CSRP1: variants seen among roughly 807,000 people sequenced by gnomAD.
CSRP1 encodes the protein cysteine and glycine-rich protein 1.
CSRP1 carries 16 observed loss-of-function variants against 25.4 expected under a neutral mutation model. That is an observed-to-expected ratio of 0.63 (90% CI 0.43 to 0.96). The LOEUF is 0.96. Ranked by LOEUF, CSRP1 falls within the 40% of genes least tolerant of loss-of-function variation. The pLI is 0.00. For synonymous variants in CSRP1, 97 were observed against 95.3 expected (o/e 1.02, Z -0.10); for missense variants, 212 against 243.6 (o/e 0.87, Z 0.86).
At chr1:201,485,184 C>T (rs1458849037) in intron 5 of CSRP1, 99 bp downstream of exon 5, 6 of 1,025,918 alleles carry the variant, frequency 5.8e-6, no homozygotes, top group Non-Finnish European at 9.2e-6. Context: ...TCTTGGATCC[C>T]AAGGCCAGGA....
Position 201,484,595 on chromosome 1 carries a change from A to C in CSRP1, c.*118T>G, listed in dbSNP as rs574026673. 5.9e-5 allele frequency: 59 copies of C among 992,354 alleles called. No individual in the cohort carries two copies. In the African/African-American group the frequency reaches 9.1e-4, roughly 15 times the overall value. 61.5% of individuals were successfully genotyped at this position (992,354 alleles called of 1,614,324 possible). Reference sequence around the variant, plus strand: ...GGAGCCAGATGCCCAAGTTCAAGTCATTAGTGATATGTGGCAGGGCTGACA... The same window carrying C: ...GGAGCCAGATGCCCAAGTTCAAGTCCTTAGTGATATGTGGCAGGGCTGACA... On this transcript the variant is annotated 3_prime_UTR_variant, in exon 6 of 6. Transcript: ENST00000340006.
intron 2 of CSRP1, 171 bp downstream of exon 2, chr1:201,496,021 C>G (rs2296693): frequency 1.7e-6 from 1 of 587,708 alleles, no homozygotes; most frequent in Admixed American, 3.0e-5. Flanking sequence ...AGCTTCTGAA[C>G]GGAACAAAGA....
chr1:201,502,829 C>T (rs1317262067), intron 1 of CSRP1, among the ~76,000 whole-genome samples: 1 of 152,104 alleles, frequency 6.6e-6, no homozygotes, highest in Non-Finnish European at 1.5e-5. Context: ...GAGCAGAGCT[C>T]CCTACTCTTG....
chr1:201,497,633 C>T (rs899045959), intron 1 of CSRP1, among the ~76,000 whole-genome samples: 2 of 152,160 alleles, frequency 1.3e-5, no homozygotes, highest in Non-Finnish European at 2.9e-5. Context: ...GCAGGTTTGG[C>T]TCAATCTTGA....
rs541233967 is a variant in CSRP1, at chr1:201,484,863, G to A, written c.506-74C>T. ...CCACACCACCCACCCTCCTGCTGAA[G>A]ATCCCCCACTCCTAGTGCCCAGCCA... On this transcript the variant is annotated intron_variant, in intron 5 of 5. Coordinates refer to ENST00000340006, the MANE Select transcript of CSRP1 (RefSeq NM_004078.3). 13 of 1,338,466 alleles carry A rather than the reference G, an allele frequency of 9.7e-6. No homozygotes were observed. In the African/African-American group the frequency reaches 1.7e-4, roughly 18 times the overall value. 82.9% of individuals were successfully genotyped at this position (1,338,466 alleles called of 1,614,324 possible).
At chr1:201,486,798 A>C in intron 4 of CSRP1, 1 of 1,058,956 alleles carries the variant, frequency 9.4e-7, no homozygotes, top group Non-Finnish European at 1.2e-6. Flanking sequence ...TTTCCACTTG[A>C]ATGCAAAATT....
chr1:201,492,792 C>CTGG (rs1664380184), intron 2 of CSRP1: 1 of 152,326 alleles, frequency 6.6e-6, no homozygotes, highest in South Asian at 2.1e-4. Context: ...ACCTCCAGAC[C>CTGG]TGGTGGTTTT....
At chr1:201,492,217 T>C (rs1480720410) in intron 2 of CSRP1, 2 of 152,176 alleles carry the variant, frequency 1.3e-5, no homozygotes, top group African/African-American at 4.8e-5. Flanking sequence ...AACAGAGGTG[T>C]ATTTTGGCTG....
At chr1:201,489,074 A>C in intron 3 of CSRP1, 90 bp from the exon 4 acceptor site, 134 of 1,536,580 alleles carry the variant, frequency 8.7e-5, no homozygotes, top group Non-Finnish European at 9.3e-5. Flanking sequence ...CCTTCATCTC[A>C]TGCCAGAGCA....
At chr1:201,490,109 C>A in intron 3 of CSRP1, 67 bp downstream of exon 3, 1 of 1,504,404 alleles carries the variant, frequency 6.6e-7, no homozygotes, top group South Asian at 1.3e-5. Context: ...TGTAAATACA[C>A]ATGAGGCCTA....
chr1:201,491,913 C>CA (rs1664351751), intron 2 of CSRP1: 1 of 152,264 alleles, frequency 6.6e-6, no homozygotes, highest in Non-Finnish European at 1.5e-5. Context: ...GCTCCTCTCT[C>CA]ACCCTAAGCC....
Position 201,494,330 on chromosome 1 carries a change from C to G in CSRP1, c.112+1862G>C, listed in dbSNP as rs375691325. 2.1e-4 allele frequency among the ~76,000 whole-genome samples: 32 copies of G among 152,258 alleles called. No homozygotes were observed. The East Asian group carries it at 3.9e-3, about 18-fold the overall frequency. On this transcript the variant is annotated intron_variant, in intron 2 of 5. Coordinates refer to ENST00000340006, the MANE Select transcript of CSRP1 (RefSeq NM_004078.3). ...CAACATCTGAGAGCAAAGAGAGGGGCCCTTAGGACCCCAGCAGCCTAGACC... is the reference window on the plus strand; with the variant it reads ...CAACATCTGAGAGCAAAGAGAGGGGGCCTTAGGACCCCAGCAGCCTAGACC...
intron 4 of CSRP1, chr1:201,488,152 C>A (rs1322382459): frequency 6.6e-6 from 1 of 152,234 alleles, no homozygotes; most frequent in African/African-American, 2.4e-5. Flanking sequence ...TCTGACACTG[C>A]AAACCCCAGG....
In CSRP1 at chr1:201,488,922, C is replaced by G; in HGVS notation, c.344G>C (p.Gly115Ala). Residue 115 changes from glycine (G) to alanine (A), a missense_variant, in exon 4 of 6, where the codon GGC becomes GCC. Coordinates refer to ENST00000340006, the MANE Select transcript of CSRP1 (RefSeq NM_004078.3). ...GCTGCATCGGGGGCAGCGCTCGGAGCCACCAATCTTCTGGGCAAATTTGGA... is the reference window on the plus strand; with the variant it reads ...GCTGCATCGGGGGCAGCGCTCGGAGGCACCAATCTTCTGGGCAAATTTGGA... ...NASKFAQKIG[G>A]SERCPRCSQA... 1 of 1,614,184 alleles carries G rather than the reference C, an allele frequency of 6.2e-7. No individual in the cohort carries two copies. The highest frequency in any genetic ancestry group is 8.5e-7 in the Non-Finnish European group (1 of 1,180,030).
At position 201,488,978 on chromosome 1, in the gene CSRP1, A is replaced by C; in HGVS notation, c.288T>G (p.Pro96=). Residue 96 remains proline, a synonymous_variant, in exon 4 of 6, where the codon CCT becomes CCG. Coordinates refer to ENST00000340006, the MANE Select transcript of CSRP1 (RefSeq NM_004078.3). ...TGGGGTTGGTGGTGGGCCTGTGGCC[A>C]GGGGCTCTGCATGGAGAAGGGCATG... ...ESLGIKHEEA[P]GHRPTTNPNA... 1 of 1,613,932 alleles carries C rather than the reference A, an allele frequency of 6.2e-7. No individual in the cohort carries two copies. Among genetic ancestry groups the C allele is most frequent in the Non-Finnish European group, 8.5e-7 (1 of 1,179,880 alleles).
chr1:201,483,575 G>C lies in CSRP1; in HGVS notation c.*1138C>G, dbSNP rs1274728786. The C allele has an allele frequency of 5.8e-6, 1 of 172,274 alleles. No homozygotes were observed. The highest frequency in any genetic ancestry group is 1.3e-5 in the Non-Finnish European group (1 of 78,658). The allele number at this position is 172,274 out of a possible 1,614,324, so 10.7% of individuals were successfully genotyped here. On this transcript the variant is annotated 3_prime_UTR_variant, in exon 6 of 6. Transcript: ENST00000340006. ...TTGACCAGATGAGAAATCAGCTTGG[G>C]TACAGCCCATGCCTGCAGCCCTTTC...
chr1:201,496,131 G>A, intron 2 of CSRP1, 61 bp downstream of exon 2: 1 of 1,328,962 alleles, frequency 7.5e-7, no homozygotes, highest in Middle Eastern at 1.9e-4. Flanking sequence ...GGCCCAGCCT[G>A]TGGGGGCAGG....
chr1:201,501,711 G>A (rs756463870), intron 1 of CSRP1, among the ~76,000 whole-genome samples: 5 of 152,174 alleles, frequency 3.3e-5, no homozygotes, highest in Admixed American at 2.6e-4. Flanking sequence ...AGTCAGGCTC[G>A]GCTGGGTGTG....
At chr1:201,490,446 T>C (rs1664301981) in intron 2 of CSRP1, 102 bp from the exon 3 acceptor site, 3 of 1,206,652 alleles carry the variant, frequency 2.5e-6, no homozygotes, top group Admixed American at 3.9e-5. Context: ...CCTCTTTGCA[T>C]ACATAATATC....
Sources: gnomAD v4.1 joint callset for allele counts (sites outside exome capture counted in the v4.1 genomes callset) on GRCh38, gnomAD v4.1.1 for gene constraint, MANE v1.5 for transcripts, NCBI Gene and HGNC (gene_info 2026-07-23, HGNC 2026-07-21) for gene names.